TACC1: variants seen among roughly 807,000 people sequenced by gnomAD.
The protein encoded by TACC1 is transforming acidic coiled-coil containing protein 1.
A neutral mutation model predicts 84.4 loss-of-function variants in TACC1; 48 were observed. The observed-to-expected ratio is 0.57, with a 90% CI of 0.45 to 0.72. The LOEUF is 0.72. TACC1 is among the 30% of genes least tolerant of loss of function. TACC1 has a pLI of 0.00. For synonymous variants in TACC1, 372 were observed against 376.3 expected (o/e 0.99, Z 0.13); for missense variants, 920 against 973.0 (o/e 0.95, Z 0.72).
intron 6 of TACC1, among the ~76,000 whole-genome samples, chr8:38,835,312 T>G (rs190376398): frequency 6.6e-6 from 1 of 152,120 alleles, no homozygotes; most frequent in African/African-American, 2.4e-5. Flanking sequence ...AAAAACGTCT[T>G]TTAGGAAGGA....
intron 3 of TACC1, among the ~76,000 whole-genome samples, chr8:38,768,545 T>G (rs1193715988): frequency 6.6e-6 from 1 of 152,072 alleles, no homozygotes; most frequent in East Asian, 1.9e-4. Context: ...AAAGTTCAAT[T>G]TTTTCCTCCT....
chr8:38,835,729 T>G lies in TACC1; in HGVS notation c.1714-433T>G, dbSNP rs141634658. On this transcript the variant is annotated intron_variant, in intron 6 of 12. Coordinates refer to ENST00000317827, the MANE Select transcript of TACC1 (RefSeq NM_006283.3). Reference sequence around the variant, plus strand: ...CATTTCCATCTGCAGTGGCTAAAGATACATACAAAGCATCAATATGTAACA... The same window carrying G: ...CATTTCCATCTGCAGTGGCTAAAGAGACATACAAAGCATCAATATGTAACA... Among the ~76,000 whole-genome samples the G allele has an allele frequency of 3.8e-3, 584 of 152,374 alleles. 4 individuals are homozygous for G. The highest frequency in any genetic ancestry group is 0.013 in the African/African-American group (559 of 41,592).
At chr8:38,766,542 A>C (rs1355797913) in intron 3 of TACC1, among the ~76,000 whole-genome samples, 1 of 152,200 alleles carries the variant, frequency 6.6e-6, no homozygotes, top group African/African-American at 2.4e-5. Flanking sequence ...AAACCTTACA[A>C]AGATGCTTTG....
intron 3 of TACC1, among the ~76,000 whole-genome samples, chr8:38,754,659 A>G (rs1209843005): frequency 6.6e-6 from 1 of 152,250 alleles, no homozygotes; most frequent in African/African-American, 2.4e-5. Context: ...AAAGAAAATT[A>G]TCTGCCAAGA....
chr8:38,733,632 A>G (rs896464174), intron 1 of TACC1, among the ~76,000 whole-genome samples: 11 of 152,058 alleles, frequency 7.2e-5, no homozygotes, highest in Non-Finnish European at 1.2e-4. Context: ...CCAGCTCAGC[A>G]GGGACAGCAC....
At chr8:38,728,958 T>C (rs1464428895) in intron 1 of TACC1, among the ~76,000 whole-genome samples, 5 of 152,192 alleles carry the variant, frequency 3.3e-5, no homozygotes, top group Non-Finnish European at 7.3e-5. Context: ...CTGATTTTGC[T>C]CTTTTCTTTA....
chr8:38,748,497 T>C (rs560187231), intron 3 of TACC1, among the ~76,000 whole-genome samples: 3 of 152,308 alleles, frequency 2.0e-5, no homozygotes, highest in Admixed American at 2.0e-4. Flanking sequence ...AAAATGCACA[T>C]TCTTTTCAAG....
rs1272476713 is a variant in TACC1 at position 38,852,048 on chromosome 8, T to G, written c.*4025T>G. 1 of 448,236 alleles carries G rather than the reference T, an allele frequency of 2.2e-6. No individual in the cohort carries two copies. The highest frequency in any genetic ancestry group is 4.5e-6 in the Non-Finnish European group (1 of 222,464). 27.8% of individuals were successfully genotyped at this position (448,236 alleles called of 1,614,324 possible). A position where few individuals can be genotyped will look rare whatever the true frequency, so the allele number is the denominator to read the frequency against. On this transcript the variant is annotated 3_prime_UTR_variant, in exon 13 of 13. Transcript: ENST00000317827. Reference sequence around the variant, plus strand: ...TAACAGACTCTCCTCTCAAAGGATCTCCTCTGGAAGAGACTATCAGCGGCA... The same window carrying G: ...TAACAGACTCTCCTCTCAAAGGATCGCCTCTGGAAGAGACTATCAGCGGCA...
intron 2 of TACC1, among the ~76,000 whole-genome samples, chr8:38,797,424 G>A (rs562841226): frequency 8.5e-5 from 13 of 152,270 alleles, no homozygotes; most frequent in African/African-American, 2.4e-4. Context: ...TTCCTTTGGC[G>A]TCTCTTCACT....
chr8:38,846,439 TAAA>T (rs201097284), intron 11 of TACC1: 440 of 247,702 alleles, frequency 1.8e-3, no homozygotes, highest in South Asian at 2.9e-3. Flanking sequence ...TGTACTGGTC[TAAA>T]AAAAAAAAAA....
chr8:38,840,207 CT>C lies in TACC1; in HGVS notation c.1917-10del, dbSNP rs769502782. 1.7e-5 allele frequency: 27 copies of C among 1,597,058 alleles called. No individual in the cohort carries two copies. In the Middle Eastern group the frequency reaches 2.8e-3, roughly 167 times the overall value. ...GAAAATCCTCCTCTGGTAATAAGTTCTTTTTTTCTCATTTAGGAAAATTGTA... is the reference window on the plus strand; with the variant it reads ...GAAAATCCTCCTCTGGTAATAAGTTCTTTTTTCTCATTTAGGAAAATTGTA... On this transcript the variant is annotated splice_polypyrimidine_tract_variant and intron_variant, in intron 8 of 12. Coordinates refer to ENST00000317827, the MANE Select transcript of TACC1 (RefSeq NM_006283.3).
intron 3 of TACC1, among the ~76,000 whole-genome samples, chr8:38,775,149 T>TG (rs1814574756): frequency 6.6e-6 from 1 of 152,190 alleles, no homozygotes; most frequent in Non-Finnish European, 1.5e-5. Flanking sequence ...ATCTCTATTA[T>TG]ACATACCAAG....
chr8:38,787,140 C>T (rs1202829429), upstream of TACC1: 4 of 983,940 alleles, frequency 4.1e-6, no homozygotes, highest in African/African-American at 7.0e-5. Flanking sequence ...CCGCCGCCGC[C>T]CCCGCGCGCG....
chr8:38,728,712 A>G (rs1466219544), intron 1 of TACC1: 1 of 152,222 alleles, frequency 6.6e-6, no homozygotes, highest in Non-Finnish European at 1.5e-5. Context: ...GCCACTTCAC[A>G]CTTATTGAGC....
At chr8:38,751,195 A>AG (rs1254693148) in intron 3 of TACC1, among the ~76,000 whole-genome samples, 1 of 132,942 alleles carries the variant, frequency 7.5e-6, no homozygotes, top group Non-Finnish European at 1.8e-5. Context: ...ATGATTGCTA[A>AG]GGGAAAAAAA....
At chr8:38,818,889 T>G (rs1247120327) in intron 2 of TACC1, among the ~76,000 whole-genome samples, 1 of 152,030 alleles carries the variant, frequency 6.6e-6, no homozygotes, top group Non-Finnish European at 1.5e-5. Context: ...GTGATTCTCC[T>G]GCCTCAGCCT....
At chr8:38,783,066 ATATCTATCTATCTATCTATCTATCTATC>A (rs58057050), upstream of TACC1, among the ~76,000 whole-genome samples, 3 of 135,478 alleles carry the variant, frequency 2.2e-5, no homozygotes, top group African/African-American at 8.3e-5. Flanking sequence ...TGTAGTGTAA[ATATCTATCTATCTATCTATCTATCTATC>A]TATCTATCTA....
In TACC1 at chr8:38,829,908, G is replaced by A. The variant is rs574591828; in HGVS notation, c.1661-1217G>A. Among the ~76,000 whole-genome samples, 15 of 152,314 alleles carry A rather than the reference G, an allele frequency of 9.8e-5. No individual in the cohort carries two copies. In the South Asian group the frequency reaches 2.9e-3, roughly 29 times the overall value. Reference sequence around the variant, plus strand: ...GTGAATCCTGACTGTGTCCTGGTGAGTGTCCCCTTGAAGCTGGGTCCTGAT... The same window carrying A: ...GTGAATCCTGACTGTGTCCTGGTGAATGTCCCCTTGAAGCTGGGTCCTGAT... On this transcript the variant is annotated intron_variant, in intron 5 of 12. Coordinates refer to ENST00000317827, the MANE Select transcript of TACC1 (RefSeq NM_006283.3).
At chr8:38,827,435 A>G (rs1385795632) in intron 5 of TACC1, 60 bp downstream of exon 5, 2 of 1,559,058 alleles carry the variant, frequency 1.3e-6, no homozygotes, top group African/African-American at 2.7e-5. Flanking sequence ...CTGAAAGCCT[A>G]ATAAAGCAGG....
Sources: gnomAD v4.1 joint callset for allele counts (sites outside exome capture counted in the v4.1 genomes callset) on GRCh38, gnomAD v4.1.1 for gene constraint, MANE v1.5 for transcripts, NCBI Gene and HGNC (gene_info 2026-07-23, HGNC 2026-07-21) for gene names.